CNIH3: variants seen among roughly 807,000 people sequenced by gnomAD.
CNIH3 encodes protein cornichon homolog 3.
In CNIH3, 14 loss-of-function variants were observed where a neutral mutation model predicts 24.1. The observed-to-expected ratio is 0.58, with a 90% confidence interval of 0.38 to 0.91. The LOEUF is 0.91. Among genes scored for constraint, CNIH3 ranks in the 40% least tolerant of loss-of-function variants. The pLI, the probability that CNIH3 is intolerant of heterozygous loss-of-function variation, is 0.00. For synonymous variants in CNIH3, 68 were observed against 73.8 expected, an observed-to-expected ratio of 0.92 and a Z score of 0.40; for missense variants, 178 against 196.8, an observed-to-expected ratio of 0.90 and a Z score of 0.57.
At chr1:224,519,148 G>A (rs1391368836) in intron 1 of CNIH3, among the ~76,000 whole-genome samples, 2 of 152,154 alleles carry the variant, frequency 1.3e-5, no homozygotes, top group African/African-American at 4.8e-5. Context: ...CTGTTCTAAT[G>A]CTGCTAATAA....
At chr1:224,675,572 T>C (rs1417773931) in intron 1 of CNIH3, among the ~76,000 whole-genome samples, 1 of 152,206 alleles carries the variant, frequency 6.6e-6, no homozygotes, top group East Asian at 1.9e-4. Flanking sequence ...ATTACATATT[T>C]GACAAGGGAC....
chr1:224,532,168 C>T lies in CNIH3; in HGVS notation n.344-4768C>T, dbSNP rs576275087. On this transcript the variant is annotated intron_variant and non_coding_transcript_variant, in intron 2 of 2. Transcript: ENST00000470602. The stretch of plus-strand genomic sequence containing the variant: ...GGGTGGATTGCAATTTTAAATAGAG[C>T]GATCAAGGTAGGTTTTTCCACGAAG... 3.9e-5 allele frequency among the ~76,000 whole-genome samples: 6 copies of T among 152,076 alleles called. No homozygotes were observed. The East Asian group carries it at 5.8e-4, about 15-fold the overall frequency.
chr1:224,631,605 A>G (rs1328406911), intron 1 of CNIH3, among the ~76,000 whole-genome samples: 1 of 152,080 alleles, frequency 6.6e-6, no homozygotes, highest in African/African-American at 2.4e-5. Flanking sequence ...AGGCTACACA[A>G]TATTACTTAG....
intron 1 of CNIH3, among the ~76,000 whole-genome samples, chr1:224,676,008 T>C (rs1686120884): frequency 6.6e-6 from 1 of 152,250 alleles, no homozygotes; most frequent in Admixed American, 6.5e-5. Flanking sequence ...CCAAGGAAAT[T>C]GAAAACTTAT....
intron 2 of CNIH3, among the ~76,000 whole-genome samples, chr1:224,529,684 G>A (rs1332729882): frequency 6.6e-6 from 1 of 152,200 alleles, no homozygotes; most frequent in Non-Finnish European, 1.5e-5. Flanking sequence ...AAGGTGGGGA[G>A]GCAGAGAGGG....
At chr1:224,712,222 T>C (rs1688194780) in intron 3 of CNIH3, among the ~76,000 whole-genome samples, 2 of 152,236 alleles carry the variant, frequency 1.3e-5, no homozygotes, top group Non-Finnish European at 2.9e-5. Context: ...TGGTTGCATA[T>C]GCACAGCATT....
rs755819129 is a variant in CNIH3, at chr1:224,617,145, C to T, written c.-30C>T. On this transcript the variant is annotated 5_prime_UTR_variant, in exon 1 of 6. Transcript: ENST00000272133. Reference sequence around the variant, plus strand: ...CATCGGGCTCCTAGGGGCTTCTTGGCGTGTGTGGTGGGATTGGGGTCCGCC... The same window carrying T: ...CATCGGGCTCCTAGGGGCTTCTTGGTGTGTGTGGTGGGATTGGGGTCCGCC... 1.9e-6 allele frequency: 3 copies of T among 1,611,418 alleles called. No homozygotes were observed. The highest frequency in any genetic ancestry group is 1.3e-5 in the African/African-American group (1 of 74,840).
upstream of CNIH3, among the ~76,000 whole-genome samples, chr1:224,515,030 A>G (rs1052265689): frequency 2.0e-5 from 3 of 152,226 alleles, no homozygotes; most frequent in Non-Finnish European, 2.9e-5. Flanking sequence ...ATGACTAGGA[A>G]GGAACAGTTT....
chr1:224,627,499 C>A (rs2125073303), intron 1 of CNIH3, among the ~76,000 whole-genome samples: 1 of 152,260 alleles, frequency 6.6e-6, no homozygotes, highest in East Asian at 1.9e-4. Context: ...GCTGGGATTA[C>A]AGGCGTGAGC....
At chr1:224,561,486 C>T (rs1572479990) in intron 3 of CNIH3, among the ~76,000 whole-genome samples, 1 of 152,244 alleles carries the variant, frequency 6.6e-6, no homozygotes, top group East Asian at 1.9e-4. Flanking sequence ...GATCTTTATG[C>T]TGGGGCCACA....
At chr1:224,610,425 T>C (rs1227677713) in intron 3 of CNIH3, among the ~76,000 whole-genome samples, 3 of 152,176 alleles carry the variant, frequency 2.0e-5, no homozygotes, top group African/African-American at 4.8e-5. Context: ...TCTCACAAGA[T>C]CTGATGGTTT....
At chr1:224,728,289 C>T (rs900862849) in intron 3 of CNIH3, among the ~76,000 whole-genome samples, 2 of 152,234 alleles carry the variant, frequency 1.3e-5, no homozygotes, top group African/African-American at 2.4e-5. Flanking sequence ...TGGGCTTTCT[C>T]TTTGAATGGG....
chr1:224,528,830 G>A (rs1558132828), intron 2 of CNIH3, among the ~76,000 whole-genome samples: 1 of 152,180 alleles, frequency 6.6e-6, no homozygotes, highest in African/African-American at 2.4e-5. Context: ...AATGTCCCAT[G>A]TGGAGCATAT....
chr1:224,533,480 C>A (rs906949951), intron 2 of CNIH3, among the ~76,000 whole-genome samples: 12 of 151,680 alleles, frequency 7.9e-5, no homozygotes, highest in African/African-American at 2.9e-4. Context: ...TGTAACAAAT[C>A]ACCACAAATT....
At position 224,481,791 on chromosome 1, in the gene CNIH3, C is replaced by T. The variant is rs564770845; in HGVS notation, n.204-33950C>T. Among the ~76,000 whole-genome samples, 5 of 152,352 alleles carry T rather than the reference C, an allele frequency of 3.3e-5. No homozygotes were observed. The East Asian group carries it at 9.6e-4, about 29-fold the overall frequency. On this transcript the variant is annotated intron_variant and non_coding_transcript_variant, in intron 1 of 5. Transcript: ENST00000471578. ...GTTTGCTGAAGGCCCTAGGGCTCTA[C>T]ACTCAGCAGGTGGTGAAGCCAGTCA... is the stretch of plus-strand genomic sequence containing the variant.
chr1:224,610,619 A>G (rs1682647112), intron 3 of CNIH3, among the ~76,000 whole-genome samples: 2 of 152,224 alleles, frequency 1.3e-5, no homozygotes, highest in African/African-American at 2.4e-5. Flanking sequence ...CTCAGGTAGT[A>G]TCTTTATAGC....
intron 1 of CNIH3, among the ~76,000 whole-genome samples, chr1:224,450,817 A>G (rs982640192): frequency 1.3e-5 from 2 of 152,248 alleles, no homozygotes; most frequent in Non-Finnish European, 2.9e-5. Context: ...GTCTGTGTCA[A>G]GATGGCCTGT....
intron 1 of CNIH3, among the ~76,000 whole-genome samples, chr1:224,670,872 T>A (rs1685831349): frequency 6.6e-6 from 1 of 152,248 alleles, no homozygotes; most frequent in Non-Finnish European, 1.5e-5. Context: ...GATGTCTAGA[T>A]ATGTGGCCAA....
intron 3 of CNIH3, among the ~76,000 whole-genome samples, chr1:224,698,852 G>GGAAT (rs57080500): frequency 0.021 from 3,242 of 152,258 alleles, 82 homozygotes; most frequent in African/African-American, 0.058. Context: ...CTTTGCTGAT[G>GGAAT]GAATGAATGA....
Sources: allele counts gnomAD v4.1 joint callset (sites outside exome capture counted in the v4.1 genomes callset), GRCh38; gene constraint gnomAD v4.1.1; transcripts MANE v1.5; gene names NCBI Gene and HGNC (gene_info 2026-07-23, HGNC 2026-07-21).